DDX10: variants seen among roughly 807,000 people sequenced by gnomAD.
The protein encoded by DDX10 is DEAD-box helicase 10, also known as probable ATP-dependent RNA helicase DDX10.
DDX10 carries 74 observed loss-of-function variants against 104.3 expected under a neutral mutation model. That is an observed-to-expected ratio of 0.71 (90% CI 0.59 to 0.86). The LOEUF is 0.86. DDX10 is among the 40% of genes least tolerant of loss of function. The probability of loss-of-function intolerance (pLI) is 0.00; values close to 1 mark genes in which losing one functional copy is unlikely to be tolerated. For synonymous variants in DDX10, 351 were observed against 353.4 expected (o/e 0.99, Z 0.08); for missense variants, 952 against 1,040.0 (o/e 0.92, Z 1.16).
At chr11:108,820,618 G>A (rs185165980) in intron 13 of DDX10, among the ~76,000 whole-genome samples, 10 of 152,284 alleles carry the variant, frequency 6.6e-5, no homozygotes, top group South Asian at 4.1e-4. Flanking sequence ...AAATTAAGCC[G>A]TCAGGCACGT....
intron 13 of DDX10, among the ~76,000 whole-genome samples, chr11:108,798,253 G>A (rs1457378747): frequency 6.6e-6 from 1 of 151,964 alleles, no homozygotes; most frequent in African/African-American, 2.4e-5. Context: ...CACCATTTCG[G>A]TCTCAATGAA....
chr11:108,873,313 A>T (rs1863106933), intron 16 of DDX10, among the ~76,000 whole-genome samples: 1 of 152,184 alleles, frequency 6.6e-6, no homozygotes, highest in South Asian at 2.1e-4. Context: ...GATGATATTT[A>T]TCAAAAATGA....
intron 13 of DDX10, among the ~76,000 whole-genome samples, chr11:108,818,855 T>C (rs1436771040): frequency 3.9e-5 from 6 of 152,208 alleles, no homozygotes; most frequent in Admixed American, 3.9e-4. Flanking sequence ...ATTCTTTTGG[T>C]GTACTAGAGA....
intron 16 of DDX10, among the ~76,000 whole-genome samples, chr11:108,859,328 T>G (rs1591098909): frequency 6.6e-6 from 1 of 152,350 alleles, no homozygotes; most frequent in East Asian, 1.9e-4. Flanking sequence ...TTCTAATACT[T>G]CTTAGAGAAT....
rs985761863 is a variant in DDX10, at chr11:108,940,507, C to G, written c.*84C>G. On this transcript the variant is annotated 3_prime_UTR_variant, in exon 18 of 18. Transcript: ENST00000322536. ...TTGAAAAACAGTTGATTTGGGGGCACTTAGGTACCATATGCCCCATTCCCA... is the reference window on the plus strand; with the variant it reads ...TTGAAAAACAGTTGATTTGGGGGCAGTTAGGTACCATATGCCCCATTCCCA... 7.0e-7 allele frequency: 1 copy of G among 1,421,558 alleles called. No individual in the cohort carries two copies. The highest frequency in any genetic ancestry group is 1.4e-5 in the African/African-American group (1 of 70,656). The allele number at this position is 1,421,558 out of a possible 1,614,324, so 88.1% of individuals were successfully genotyped here.
At chr11:108,710,551 A>G (rs1417092868) in intron 10 of DDX10, among the ~76,000 whole-genome samples, 1 of 152,246 alleles carries the variant, frequency 6.6e-6, no homozygotes, top group Non-Finnish European at 1.5e-5. Flanking sequence ...CTTCAGGGGC[A>G]GTAACATGCA....
intron 16 of DDX10, among the ~76,000 whole-genome samples, chr11:108,864,742 G>A (rs890131422): frequency 2.6e-5 from 4 of 152,268 alleles, no homozygotes; most frequent in Admixed American, 2.0e-4. Flanking sequence ...TTACAGGTGT[G>A]AGCCACCGTG....
At chr11:108,742,397 C>A (rs2094326328) in intron 13 of DDX10, among the ~76,000 whole-genome samples, 1 of 150,304 alleles carries the variant, frequency 6.7e-6, no homozygotes, top group Admixed American at 6.7e-5. Flanking sequence ...GAAACCCTGT[C>A]TCTACTAAAA....
At chr11:108,823,154 C>A (rs1197195104) in intron 13 of DDX10, among the ~76,000 whole-genome samples, 1 of 152,082 alleles carries the variant, frequency 6.6e-6, no homozygotes, top group Non-Finnish European at 1.5e-5. Flanking sequence ...CTTTGCACAC[C>A]ACAGTTTTAC....
chr11:108,898,915 A>G (rs577118123), intron 16 of DDX10, among the ~76,000 whole-genome samples: 28 of 152,334 alleles, frequency 1.8e-4, no homozygotes, highest in African/African-American at 5.5e-4. Context: ...CAAAAGGTAG[A>G]TTAATAGAAG....
At chr11:108,810,199 C>T (rs1862159859) in intron 13 of DDX10, among the ~76,000 whole-genome samples, 1 of 152,108 alleles carries the variant, frequency 6.6e-6, no homozygotes, top group Admixed American at 6.5e-5. Context: ...ATAGTTAGGA[C>T]TGGTTATTTG....
At chr11:108,748,302 G>C (rs1214910669) in intron 13 of DDX10, among the ~76,000 whole-genome samples, 1 of 152,154 alleles carries the variant, frequency 6.6e-6, no homozygotes, top group African/African-American at 2.4e-5. Flanking sequence ...GAGAGCGCCA[G>C]AGGAGGCTAG....
chr11:108,758,551 A>C (rs577050343), intron 13 of DDX10, among the ~76,000 whole-genome samples: 2 of 152,034 alleles, frequency 1.3e-5, no homozygotes. Flanking sequence ...ACTGGAGTAA[A>C]AGCAACGGGT....
rs1318521794 is a variant in DDX10, at chr11:108,903,662, C to T, written c.2305-14211C>T. On this transcript the variant is annotated intron_variant, in intron 16 of 17. Transcript: ENST00000322536. ...CATAGGTTATATGCATATATCATTTCATATCAGGGACTTCAGCACCCATGG... is the reference window on the plus strand; with the variant it reads ...CATAGGTTATATGCATATATCATTTTATATCAGGGACTTCAGCACCCATGG... Among the ~76,000 whole-genome samples the T allele has an allele frequency of 2.0e-5, 3 of 152,072 alleles. 1 individual carries two copies. The highest frequency in any genetic ancestry group is 2.0e-4 in the Admixed American group (3 of 15,238).
At chr11:108,811,005 G>C (rs1227123191) in intron 13 of DDX10, among the ~76,000 whole-genome samples, 1 of 152,040 alleles carries the variant, frequency 6.6e-6, no homozygotes, top group Non-Finnish European at 1.5e-5. Flanking sequence ...ATCTCCAGTG[G>C]AATATAAACT....
intron 16 of DDX10, among the ~76,000 whole-genome samples, chr11:108,876,131 A>AT: frequency 6.6e-6 from 1 of 152,348 alleles, no homozygotes; most frequent in South Asian, 2.1e-4. Context: ...CTATTTCTTG[A>AT]TAAAAACAGT....
At chr11:108,853,715 G>A (rs1862826700) in intron 16 of DDX10, among the ~76,000 whole-genome samples, 1 of 151,918 alleles carries the variant, frequency 6.6e-6, no homozygotes, top group African/African-American at 2.4e-5. Context: ...TTTTCACTGG[G>A]GGTTGATCTC....
At position 108,693,615 on chromosome 11, in the gene DDX10, T is replaced by C; in HGVS notation, c.1223+15T>C. 6.3e-7 allele frequency: 1 copy of C among 1,578,472 alleles called. No individual in the cohort carries two copies. The highest frequency in any genetic ancestry group is 8.7e-7 in the Non-Finnish European group (1 of 1,147,782). On this transcript the variant is annotated intron_variant, in intron 9 of 17. Coordinates refer to ENST00000322536, the MANE Select transcript of DDX10 (RefSeq NM_004398.4). ...AGAACTGCCAGGTAGGTGTACTGACTAATTTCTTTTCTTTTGCTACTATCT... is the reference window on the plus strand; with the variant it reads ...AGAACTGCCAGGTAGGTGTACTGACCAATTTCTTTTCTTTTGCTACTATCT...
At chr11:108,816,117 A>G (rs1445411542) in intron 13 of DDX10, among the ~76,000 whole-genome samples, 1 of 151,562 alleles carries the variant, frequency 6.6e-6, no homozygotes, top group African/African-American at 2.4e-5. Flanking sequence ...GATTTGTTCC[A>G]GCTTTCACTG....
Sources: gnomAD v4.1 joint callset for allele counts (sites outside exome capture counted in the v4.1 genomes callset) on GRCh38, gnomAD v4.1.1 for gene constraint, MANE v1.5 for transcripts, NCBI Gene and HGNC (gene_info 2026-07-23, HGNC 2026-07-21) for gene names.